Variants in SYNPR observed in about 807,000 individuals in gnomAD.
SYNPR encodes synaptoporin.
Under a neutral mutation model 32.9 loss-of-function variants are expected in SYNPR, and 23 were observed. The ratio of observed to expected loss-of-function variants is 0.70; its 90% confidence interval spans 0.50 to 0.99. SYNPR has a LOEUF of 0.99. SYNPR is among the 50% of genes least tolerant of loss of function. The pLI is 0.00. For synonymous variants in SYNPR, 146 were observed against 135.9 expected, an observed-to-expected ratio of 1.07 and a Z score of -0.52; for missense variants, 318 against 349.3, an observed-to-expected ratio of 0.91 and a Z score of 0.71.
intron 2 of SYNPR, among the ~76,000 whole-genome samples, chr3:63,408,309 AAGGAAGGAAG>A: frequency 5.9e-5 from 7 of 118,218 alleles, no homozygotes; most frequent in African/African-American, 2.3e-4. Context: ...GGAAGGAAGG[AAGGAAGGAAG>A]GAAAGAAAGA....
chr3:63,477,529 T>C (rs1268553732), intron 2 of SYNPR, among the ~76,000 whole-genome samples: 2 of 152,064 alleles, frequency 1.3e-5, no homozygotes, highest in African/African-American at 4.8e-5. Flanking sequence ...AGCAGGTAAA[T>C]GAGACATGGC....
chr3:63,229,238 T>TA (rs1177109616), intron 1 of SYNPR, among the ~76,000 whole-genome samples: 1 of 152,138 alleles, frequency 6.6e-6, no homozygotes, highest in African/African-American at 2.4e-5. Flanking sequence ...AAGAGACATT[T>TA]AAAGTACTGG....
At chr3:63,290,464 A>C (rs2086727806) in intron 2 of SYNPR, among the ~76,000 whole-genome samples, 1 of 152,202 alleles carries the variant, frequency 6.6e-6, no homozygotes, top group South Asian at 2.1e-4. Context: ...AGCAAAGCTT[A>C]AATGCCCTCA....
intron 3 of SYNPR, among the ~76,000 whole-genome samples, chr3:63,484,887 G>A (rs1701116112): frequency 6.6e-6 from 1 of 152,138 alleles, no homozygotes; most frequent in African/African-American, 2.4e-5. Context: ...AAGTTAGAAA[G>A]GCCACTTTTT....
At chr3:63,510,955 T>C (rs1027034746) in intron 3 of SYNPR, among the ~76,000 whole-genome samples, 1 of 87,702 alleles carries the variant, frequency 1.1e-5, no homozygotes. Context: ...TGTGTGTGTG[T>C]GTTTCATTTG....
chr3:63,302,554 C>T (rs916820946), intron 2 of SYNPR, among the ~76,000 whole-genome samples: 1 of 151,990 alleles, frequency 6.6e-6, no homozygotes, highest in Non-Finnish European at 1.5e-5. Context: ...ATTCAATGGT[C>T]TTCAAATTAT....
At chr3:63,512,727 C>T (rs1314593057) in intron 3 of SYNPR, among the ~76,000 whole-genome samples, 1 of 152,154 alleles carries the variant, frequency 6.6e-6, no homozygotes, top group African/African-American at 2.4e-5. Context: ...GGATTCTCGT[C>T]AGAGGCTCAA....
At chr3:63,468,515 A>ACACACACACAC (rs1559508057) in intron 2 of SYNPR, among the ~76,000 whole-genome samples, 1 of 151,844 alleles carries the variant, frequency 6.6e-6, no homozygotes, top group African/African-American at 2.4e-5. Context: ...ACACACACAC[A>ACACACACACAC]AATGCTTAAG....
At chr3:63,411,509 T>A (rs1376291002) in intron 2 of SYNPR, among the ~76,000 whole-genome samples, 1 of 152,060 alleles carries the variant, frequency 6.6e-6, no homozygotes, top group Non-Finnish European at 1.5e-5. Context: ...AACTACAAAC[T>A]GATAATAAAA....
At chr3:63,563,974 G>GAAAAAAAA in intron 4 of SYNPR, among the ~76,000 whole-genome samples, 1 of 146,000 alleles carries the variant, frequency 6.8e-6, no homozygotes, top group Non-Finnish European at 1.5e-5. Context: ...CTCAAATATG[G>GAAAAAAAA]AAAAAAAAAA....
intron 2 of SYNPR, among the ~76,000 whole-genome samples, chr3:63,264,907 CA>C (rs1379364873): frequency 9.2e-6 from 1 of 108,308 alleles, no homozygotes; most frequent in Non-Finnish European, 2.0e-5. Context: ...ATGGGGGAAA[CA>C]GCTGATTCTC....
At chr3:63,455,819 A>G (rs990932015) in intron 2 of SYNPR, among the ~76,000 whole-genome samples, 3 of 149,234 alleles carry the variant, frequency 2.0e-5, no homozygotes, top group Non-Finnish European at 4.4e-5. Flanking sequence ...TCAAATGTCA[A>G]CTGCTTTATC....
At chr3:63,226,044 A>G (rs937625412), upstream of SYNPR, among the ~76,000 whole-genome samples, 1 of 152,202 alleles carries the variant, frequency 6.6e-6, no homozygotes, top group Non-Finnish European at 1.5e-5. Context: ...GGCAAACACA[A>G]GAATAAAGAT....
At chr3:63,329,045 T>G (rs1443318113) in intron 2 of SYNPR, among the ~76,000 whole-genome samples, 1 of 152,124 alleles carries the variant, frequency 6.6e-6, no homozygotes, top group Admixed American at 6.5e-5. Flanking sequence ...GTCTCCTAGT[T>G]CTTAGGTGGT....
chr3:63,466,871 A>G (rs1700692366), intron 2 of SYNPR, among the ~76,000 whole-genome samples: 1 of 152,200 alleles, frequency 6.6e-6, no homozygotes, highest in Non-Finnish European at 1.5e-5. Flanking sequence ...CTCAAAATAC[A>G]GACACACTGG....
chr3:63,286,979 G>C (rs1428532156), intron 2 of SYNPR, among the ~76,000 whole-genome samples: 1 of 152,132 alleles, frequency 6.6e-6, no homozygotes, highest in East Asian at 1.9e-4. Context: ...CAGAGCACAG[G>C]GTGAGGTGTG....
At chr3:63,552,233 A>G (rs1187302312) in intron 3 of SYNPR, among the ~76,000 whole-genome samples, 1 of 152,134 alleles carries the variant, frequency 6.6e-6, no homozygotes, top group Non-Finnish European at 1.5e-5. Flanking sequence ...AAGTTGTTGA[A>G]AGTGTATTAA....
At chr3:63,405,577 A>G (rs1017537828) in intron 2 of SYNPR, among the ~76,000 whole-genome samples, 1 of 152,098 alleles carries the variant, frequency 6.6e-6, no homozygotes, top group African/African-American at 2.4e-5. Flanking sequence ...AAAGAACCTA[A>G]TCTTAAGAAC....
In SYNPR at chr3:63,562,373, A is replaced by G. The variant is rs146677666; in HGVS notation, c.408+5632A>G. On this transcript the variant is annotated intron_variant, in intron 4 of 5. Transcript: ENST00000478300. ...CCATCTCATGTTTCAGTGAATCTGTATTGCAAGACGTTTGGCTTAAAATAA... is the reference window on the plus strand; with the variant it reads ...CCATCTCATGTTTCAGTGAATCTGTGTTGCAAGACGTTTGGCTTAAAATAA... Among the ~76,000 whole-genome samples, 85 of 152,352 alleles carry G rather than the reference A, an allele frequency of 5.6e-4. 1 individual carries two copies. In the Middle Eastern group the frequency reaches 0.01, roughly 18 times the overall value.
Sources: allele counts gnomAD v4.1 joint callset (sites outside exome capture counted in the v4.1 genomes callset), GRCh38; gene constraint gnomAD v4.1.1; transcripts MANE v1.5; gene names NCBI Gene and HGNC (gene_info 2026-07-23, HGNC 2026-07-21).